PRIM2: variants seen among roughly 807,000 people sequenced by gnomAD.
The protein encoded by PRIM2 is DNA primase large subunit.
Under a neutral mutation model 67.3 loss-of-function variants are expected in PRIM2, and 39 were observed. That is an observed-to-expected ratio of 0.58 (90% CI 0.45 to 0.76). The LOEUF (loss-of-function observed/expected upper bound fraction) is 0.76, where lower values mean the gene tolerates loss of function less well. PRIM2 is among the 30% of genes least tolerant of loss of function. PRIM2 has a pLI of 0.00. For missense variants in PRIM2, 398 were observed against 598.7 expected (o/e 0.66, Z 3.50); for synonymous variants, 143 against 198.7 (o/e 0.72, Z 2.36).
At chr6:57,578,240 T>A (rs1775998605) in intron 10 of PRIM2, among the ~76,000 whole-genome samples, 1 of 152,238 alleles carries the variant, frequency 6.6e-6, no homozygotes, top group Non-Finnish European at 1.5e-5. Flanking sequence ...TTAACCTTGA[T>A]CACTTGGTTA....
chr6:57,407,092 T>A (rs1455755358), intron 7 of PRIM2, among the ~76,000 whole-genome samples: 2 of 151,968 alleles, frequency 1.3e-5, no homozygotes, highest in African/African-American at 4.8e-5. Context: ...CCGAATGTTA[T>A]CTTCTTTAAC....
At chr6:57,338,440 A>G (rs866920071) in intron 5 of PRIM2, among the ~76,000 whole-genome samples, 2 of 151,562 alleles carry the variant, frequency 1.3e-5, no homozygotes, top group African/African-American at 4.9e-5. Flanking sequence ...CTTGATGAAC[A>G]TTGATGCAAA....
the PRIM2 span, among the ~76,000 whole-genome samples, chr6:57,254,977 C>T: frequency 3.3e-5 from 5 of 152,098 alleles, no homozygotes; most frequent in Non-Finnish European, 7.4e-5. Context: ...GTTGGCCTGG[C>T]GATATTTTCC....
intron 4 of PRIM2, 125 bp downstream of exon 4, chr6:57,324,405 A>G: frequency 1.9e-6 from 1 of 531,594 alleles, no homozygotes; most frequent in Non-Finnish European, 3.4e-6. Context: ...CCGGTTGATC[A>G]TGGGGTTGAA....
At chr6:57,600,806 C>A (rs1348670883) in intron 10 of PRIM2, among the ~76,000 whole-genome samples, 2 of 152,194 alleles carry the variant, frequency 1.3e-5, no homozygotes, top group South Asian at 2.1e-4. Flanking sequence ...ATCCATTATT[C>A]TTCTCAGGAA....
intron 12 of PRIM2, among the ~76,000 whole-genome samples, chr6:57,626,331 AAG>A (rs1776949005): frequency 6.6e-6 from 1 of 152,244 alleles, no homozygotes; most frequent in South Asian, 2.1e-4. Context: ...GTATAAAAAG[AAG>A]AGAGTTCTAT....
At chr6:57,493,185 C>A (rs1201819185) in intron 7 of PRIM2, among the ~76,000 whole-genome samples, 2 of 152,180 alleles carry the variant, frequency 1.3e-5, no homozygotes, top group Non-Finnish European at 2.9e-5. Flanking sequence ...GTAGCATCTT[C>A]ATTCTTGCCT....
At chr6:57,617,787 C>T (rs1226069578) in intron 12 of PRIM2, among the ~76,000 whole-genome samples, 1 of 152,020 alleles carries the variant, frequency 6.6e-6, no homozygotes, top group Non-Finnish European at 1.5e-5. Context: ...GTTACTTGTG[C>T]TTTTAGTGTC....
At chr6:57,611,585 A>G (rs1411883498) in intron 12 of PRIM2, among the ~76,000 whole-genome samples, 5 of 152,178 alleles carry the variant, frequency 3.3e-5, no homozygotes, top group African/African-American at 9.7e-5. Flanking sequence ...GAACAATTGG[A>G]TATCTAAATG....
chr6:57,405,702 C>T (rs1187909363), intron 7 of PRIM2, among the ~76,000 whole-genome samples: 1 of 139,450 alleles, frequency 7.2e-6, no homozygotes, highest in Admixed American at 7.2e-5. Context: ...GTAGTATAAC[C>T]TTTAAGTAAC....
intron 7 of PRIM2, among the ~76,000 whole-genome samples, chr6:57,397,102 T>C (rs1220802443): frequency 3.9e-5 from 6 of 152,190 alleles, no homozygotes; most frequent in Non-Finnish European, 7.4e-5. Context: ...CTTAGGATTC[T>C]TTCCTTCATC....
the PRIM2 span, among the ~76,000 whole-genome samples, chr6:57,228,514 A>G: frequency 6.6e-6 from 1 of 152,232 alleles, no homozygotes; most frequent in African/African-American, 2.4e-5. Flanking sequence ...GAGGGACCAA[A>G]GAAATGGATT....
chr6:57,296,793 C>A, the PRIM2 span, among the ~76,000 whole-genome samples: 1 of 152,020 alleles, frequency 6.6e-6, no homozygotes, highest in Non-Finnish European at 1.5e-5. Context: ...TTAAAAAGAA[C>A]CAGGGCTCTT....
the PRIM2 span, among the ~76,000 whole-genome samples, chr6:57,256,086 A>T: frequency 6.6e-6 from 1 of 152,098 alleles, no homozygotes; most frequent in South Asian, 2.1e-4. Context: ...TGGAAGGATA[A>T]ATACTGTCTT....
the PRIM2 span, among the ~76,000 whole-genome samples, chr6:57,231,009 A>G: frequency 6.6e-6 from 1 of 152,220 alleles, no homozygotes; most frequent in Non-Finnish European, 1.5e-5. Context: ...CATTTTTTCA[A>G]TCCTAAGGAT....
the PRIM2 span, among the ~76,000 whole-genome samples, chr6:57,302,122 A>G: frequency 1.3e-5 from 2 of 152,226 alleles, no homozygotes; most frequent in Admixed American, 1.3e-4. Context: ...CCAAATATGA[A>G]ATACTGCCTC....
intron 7 of PRIM2, among the ~76,000 whole-genome samples, chr6:57,438,997 C>T (rs1003571462): frequency 5.5e-4 from 83 of 152,156 alleles, no homozygotes; most frequent in African/African-American, 7.2e-4. Context: ...AGTGGGCCAC[C>T]GTGCCTGTTC....
At chr6:57,506,186 T>C (rs1554347216) in intron 7 of PRIM2, among the ~76,000 whole-genome samples, 61,019 of 150,124 alleles carry the variant, frequency 0.41, 13,043 homozygotes, top group African/African-American at 0.56. Context: ...GCTAAAATTG[T>C]AGCAGATTAA....
chr6:57,246,692 C>G, the PRIM2 span, among the ~76,000 whole-genome samples: 1 of 152,202 alleles, frequency 6.6e-6, no homozygotes, highest in African/African-American at 2.4e-5. Context: ...CCAGCTCGAA[C>G]AGGGAGGGGC....
Sources: gnomAD v4.1 joint callset for allele counts (sites outside exome capture counted in the v4.1 genomes callset) on GRCh38, gnomAD v4.1.1 for gene constraint, MANE v1.5 for transcripts, NCBI Gene and HGNC (gene_info 2026-07-23, HGNC 2026-07-21) for gene names.